Variants in WRN observed in about 807,000 individuals in gnomAD.
WRN encodes the protein bifunctional 3'-5' exonuclease/ATP-dependent helicase WRN.
In WRN, 149 loss-of-function variants were observed where a neutral mutation model predicts 180.7. That is an observed-to-expected ratio of 0.82 (90% confidence interval 0.72 to 0.94). WRN has a LOEUF of 0.94. Among genes scored for constraint, WRN ranks in the 40% least tolerant of loss-of-function variants. WRN has a pLI of 0.00. For missense variants in WRN, 1,661 were observed against 1,700.1 expected (o/e 0.98, Z 0.40); for synonymous variants, 548 against 568.9 (o/e 0.96, Z 0.52).
intron 1 of WRN, among the ~76,000 whole-genome samples, chr8:31,048,026 ATTTG>A (rs1449913029): frequency 6.6e-6 from 1 of 152,118 alleles, no homozygotes; most frequent in Non-Finnish European, 1.5e-5. Flanking sequence ...TATTGTGTTT[ATTTG>A]TTTGATTCCA....
chr8:31,083,490 C>G (rs1485608889), intron 9 of WRN, among the ~76,000 whole-genome samples: 2 of 151,968 alleles, frequency 1.3e-5, no homozygotes, highest in African/African-American at 4.8e-5. Flanking sequence ...CTAACTATTT[C>G]TTTCTTTCTC....
intron 34 of WRN, among the ~76,000 whole-genome samples, chr8:31,168,620 G>T (rs1433791586): frequency 7.0e-6 from 1 of 143,664 alleles, no homozygotes; most frequent in Non-Finnish European, 1.6e-5. Context: ...GGGTGTTGGG[G>T]CTGGGAAGTA....
chr8:31,086,404 C>G (rs537294395), intron 11 of WRN, among the ~76,000 whole-genome samples: 1 of 151,972 alleles, frequency 6.6e-6, no homozygotes, highest in Non-Finnish European at 1.5e-5. Context: ...AAAACCCTCT[C>G]TCTCCAGAAA....
intron 5 of WRN, among the ~76,000 whole-genome samples, 160 bp from the exon 6 acceptor site, chr8:31,066,873 A>G (rs1585411496): frequency 1.3e-5 from 2 of 152,206 alleles, no homozygotes; most frequent in South Asian, 4.1e-4. Flanking sequence ...TGGACTGCAT[A>G]TGAGGCTTTT....
chr8:31,166,528 C>T (rs1301873490), intron 33 of WRN, among the ~76,000 whole-genome samples: 1 of 152,028 alleles, frequency 6.6e-6, no homozygotes, highest in African/African-American at 2.4e-5. Context: ...CTTGTTATTA[C>T]AATAATAGCC....
At chr8:31,075,084 C>G (rs989380066) in intron 7 of WRN, among the ~76,000 whole-genome samples, 1 of 152,038 alleles carries the variant, frequency 6.6e-6, no homozygotes, top group African/African-American at 2.4e-5. Context: ...AAGGAACTGG[C>G]CTGTGGATGT....
intron 1 of WRN, among the ~76,000 whole-genome samples, chr8:31,047,556 G>T (rs1188046589): frequency 6.6e-6 from 1 of 152,128 alleles, no homozygotes; most frequent in Non-Finnish European, 1.5e-5. Flanking sequence ...GTGGGTAACT[G>T]ATCTTTACCT....
chr8:31,128,697 A>C (rs1032446135), intron 23 of WRN, among the ~76,000 whole-genome samples: 1 of 152,184 alleles, frequency 6.6e-6, no homozygotes, highest in African/African-American at 2.4e-5. Flanking sequence ...GTCTCTACTA[A>C]AAATACAAAA....
intron 13 of WRN, 54 bp downstream of exon 13, chr8:31,089,019 A>G: frequency 6.6e-7 from 1 of 1,517,954 alleles, no homozygotes; most frequent in Non-Finnish European, 9.0e-7. Flanking sequence ...CTTTAAAACA[A>G]GGGAAAAGGC....
At chr8:31,118,283 G>T (rs142925415) in intron 20 of WRN, among the ~76,000 whole-genome samples, 6 of 152,188 alleles carry the variant, frequency 3.9e-5, no homozygotes, top group African/African-American at 1.4e-4. Context: ...GTGGCAGGAT[G>T]TCACAAATTT....
intron 3 of WRN, among the ~76,000 whole-genome samples, chr8:31,063,741 A>G (rs967127805): frequency 3.9e-5 from 6 of 152,066 alleles, no homozygotes; most frequent in African/African-American, 1.2e-4. Flanking sequence ...TGTTTTTCTT[A>G]GAGACAGGGT....
At chr8:31,043,120 T>G (rs956274331) in intron 1 of WRN, among the ~76,000 whole-genome samples, 2 of 152,230 alleles carry the variant, frequency 1.3e-5, no homozygotes, top group African/African-American at 2.4e-5. Flanking sequence ...GATCCGACTA[T>G]TTTTCTGGCC....
chr8:31,155,513 T>G (rs955397460), intron 32 of WRN, among the ~76,000 whole-genome samples: 1 of 151,554 alleles, frequency 6.6e-6, no homozygotes, highest in South Asian at 2.1e-4. Context: ...TCCCAGATAC[T>G]TGGGAGGCGG....
At chr8:31,125,537 GATATATAT>G (rs71206299) in intron 23 of WRN, among the ~76,000 whole-genome samples, 2,213 of 63,738 alleles carry the variant, frequency 0.035, 233 homozygotes, top group African/African-American at 0.074. Flanking sequence ...ATATTATGGA[GATATATAT>G]ATATATATAT....
intron 5 of WRN, among the ~76,000 whole-genome samples, chr8:31,065,618 T>A (rs755707920): frequency 4.0e-4 from 55 of 138,672 alleles, no homozygotes; most frequent in Non-Finnish European, 7.5e-4. Context: ...ATGTACCACA[T>A]TTTTTTTAAT....
intron 8 of WRN, among the ~76,000 whole-genome samples, chr8:31,076,629 T>G (rs1014422583): frequency 6.6e-6 from 1 of 152,196 alleles, no homozygotes; most frequent in Non-Finnish European, 1.5e-5. Flanking sequence ...TTCAAAGTTG[T>G]CATTTTCTTT....
intron 12 of WRN, 124 bp from the exon 13 acceptor site, chr8:31,088,765 GA>G: frequency 2.5e-6 from 2 of 798,846 alleles, no homozygotes; most frequent in South Asian, 3.0e-5. Flanking sequence ...TTAAAAAATA[GA>G]AAACATTAAC....
intron 9 of WRN, among the ~76,000 whole-genome samples, chr8:31,082,346 A>G (rs1428969761): frequency 1.3e-5 from 2 of 152,190 alleles, no homozygotes; most frequent in African/African-American, 4.8e-5. Flanking sequence ...GGCAACAATA[A>G]TTTTAGCATT....
chr8:31,057,570 CAAAACAA>C (rs944247278), intron 1 of WRN, among the ~76,000 whole-genome samples: 3 of 151,452 alleles, frequency 2.0e-5, no homozygotes, highest in Non-Finnish European at 4.4e-5. Flanking sequence ...GACTCCGTCT[CAAAACAA>C]AAAACAAAAA....
Sources: gnomAD v4.1 joint callset for allele counts (sites outside exome capture counted in the v4.1 genomes callset) on GRCh38, gnomAD v4.1.1 for gene constraint, MANE v1.5 for transcripts, NCBI Gene and HGNC (gene_info 2026-07-23, HGNC 2026-07-21) for gene names.